Variants in PCDH15 observed in about 807,000 individuals in gnomAD.
The protein encoded by PCDH15 is protocadherin related 15.
PCDH15 carries 129 observed loss-of-function variants against 178.5 expected under a neutral mutation model. The observed-to-expected ratio is 0.72, with a 90% confidence interval of 0.63 to 0.84. The LOEUF (loss-of-function observed/expected upper bound fraction) is 0.84. PCDH15 is among the 40% of genes least tolerant of loss of function. The pLI, the probability that PCDH15 is intolerant of heterozygous loss-of-function variation, is 0.00. For synonymous variants in PCDH15, 800 were observed against 732.0 expected (o/e 1.09, Z -1.50); for missense variants, 2,230 against 2,099.9 (o/e 1.06, Z -1.21).
intron 2 of PCDH15, among the ~76,000 whole-genome samples, chr10:55,419,893 A>G (rs917969183): frequency 1.3e-5 from 2 of 151,774 alleles, no homozygotes; most frequent in Non-Finnish European, 2.9e-5. Flanking sequence ...AAATTAGGAG[A>G]TGAAACATGC....
intron 1 of PCDH15, among the ~76,000 whole-genome samples, chr10:54,769,222 A>G (rs1948825655): frequency 6.6e-6 from 1 of 152,088 alleles, no homozygotes; most frequent in Non-Finnish European, 1.5e-5. Flanking sequence ...AGACACAGCC[A>G]TAGATAAAGT....
intron 3 of PCDH15, among the ~76,000 whole-genome samples, chr10:54,447,862 AGAAAG>A (rs1271212513): frequency 6.6e-6 from 1 of 151,732 alleles, no homozygotes; most frequent in Non-Finnish European, 1.5e-5. Context: ...TGATTTGACA[AGAAAG>A]ACTGTGAAAA....
chr10:54,920,116 C>T (rs971883193), intron 2 of PCDH15, among the ~76,000 whole-genome samples: 1 of 152,078 alleles, frequency 6.6e-6, no homozygotes, highest in Non-Finnish European at 1.5e-5. Flanking sequence ...TTTTAATATT[C>T]TCTATGTTCG....
At chr10:55,298,015 T>A (rs1843177194) in intron 1 of PCDH15, among the ~76,000 whole-genome samples, 1 of 152,072 alleles carries the variant, frequency 6.6e-6, no homozygotes, top group African/African-American at 2.4e-5. Context: ...AATGAATGAA[T>A]TTGCTCCTGG....
At chr10:53,899,145 G>A (rs1020227781) in intron 26 of PCDH15, among the ~76,000 whole-genome samples, 1 of 149,460 alleles carries the variant, frequency 6.7e-6, no homozygotes, top group African/African-American at 2.5e-5. Flanking sequence ...TTTTTTTCGG[G>A]GGGGGGTGGT....
chr10:55,318,221 CGAGA>C (rs369092559), intron 1 of PCDH15, among the ~76,000 whole-genome samples: 1 of 150,920 alleles, frequency 6.6e-6, no homozygotes, highest in South Asian at 2.1e-4. Context: ...AAAAAACACA[CGAGA>C]GAGAGAGAGG....
At chr10:54,903,825 G>A (rs1954678347) in intron 2 of PCDH15, among the ~76,000 whole-genome samples, 1 of 152,030 alleles carries the variant, frequency 6.6e-6, no homozygotes, top group Non-Finnish European at 1.5e-5. Context: ...TGTTTCAATA[G>A]TTATTTAAAT....
At chr10:55,234,730 CA>C (rs1357680130) in intron 1 of PCDH15, among the ~76,000 whole-genome samples, 1 of 151,924 alleles carries the variant, frequency 6.6e-6, no homozygotes, top group East Asian at 1.9e-4. Context: ...TATTTTGAGA[CA>C]ATAAAATTCT....
At chr10:54,647,941 A>G (rs999470153) in intron 2 of PCDH15, among the ~76,000 whole-genome samples, 1 of 152,052 alleles carries the variant, frequency 6.6e-6, no homozygotes, top group Non-Finnish European at 1.5e-5. Flanking sequence ...AAACAAATAA[A>G]AAACACTTGG....
intron 2 of PCDH15, among the ~76,000 whole-genome samples, chr10:55,028,485 A>G (rs533207134): frequency 6.6e-6 from 1 of 152,112 alleles, no homozygotes; most frequent in South Asian, 2.1e-4. Flanking sequence ...TAACAAAGAC[A>G]AATTTTGAGA....
chr10:55,554,044 T>C (rs1257814299), intron 2 of PCDH15, among the ~76,000 whole-genome samples: 1 of 151,984 alleles, frequency 6.6e-6, no homozygotes, highest in Non-Finnish European at 1.5e-5. Context: ...CTCAGGAAAA[T>C]GTTTATGTCC....
intron 2 of PCDH15, among the ~76,000 whole-genome samples, chr10:55,046,781 A>C (rs1841016600): frequency 6.6e-6 from 1 of 151,972 alleles, no homozygotes. Context: ...GCAGTGCATA[A>C]ATTATGGCAT....
At chr10:55,172,831 T>C (rs1018504162) in intron 1 of PCDH15, among the ~76,000 whole-genome samples, 1 of 151,988 alleles carries the variant, frequency 6.6e-6, no homozygotes, top group Non-Finnish European at 1.5e-5. Context: ...CTATTACATA[T>C]GTATTTCTTT....
At chr10:54,059,652 A>G (rs995298961) in intron 18 of PCDH15, among the ~76,000 whole-genome samples, 1 of 152,166 alleles carries the variant, frequency 6.6e-6, no homozygotes, top group Non-Finnish European at 1.5e-5. Context: ...AGCAGTCTGC[A>G]TTTCTAAGGT....
intron 8 of PCDH15, among the ~76,000 whole-genome samples, chr10:54,296,088 G>T (rs1216242332): frequency 4.2e-5 from 6 of 142,504 alleles, no homozygotes; most frequent in African/African-American, 1.3e-4. Context: ...GAGCTTGCAG[G>T]GAGCCGAGAT....
intron 13 of PCDH15, among the ~76,000 whole-genome samples, chr10:54,177,696 AAAAC>A (rs1256893654): frequency 1.7e-4 from 26 of 152,166 alleles, no homozygotes; most frequent in African/African-American, 5.5e-4. Context: ...AAGCAGAGGG[AAAAC>A]AAACAAGACT....
intron 2 of PCDH15, among the ~76,000 whole-genome samples, chr10:55,513,400 C>A (rs1156806798): frequency 6.6e-6 from 1 of 151,958 alleles, no homozygotes; most frequent in East Asian, 1.9e-4. Flanking sequence ...ATTGATTATG[C>A]CTTTTTTGCT....
chr10:54,582,487 A>T (rs1156421528), intron 2 of PCDH15, among the ~76,000 whole-genome samples: 1 of 152,144 alleles, frequency 6.6e-6, no homozygotes, highest in Non-Finnish European at 1.5e-5. Context: ...TCATAATTAC[A>T]CATACTCTTT....
At chr10:55,425,441 T>C (rs1838729461) in intron 2 of PCDH15, among the ~76,000 whole-genome samples, 1 of 152,070 alleles carries the variant, frequency 6.6e-6, no homozygotes. Context: ...TTAGAGACTT[T>C]CTAAAATTAA....
Sources: gnomAD v4.1 joint callset for allele counts (sites outside exome capture counted in the v4.1 genomes callset) on GRCh38, gnomAD v4.1.1 for gene constraint, MANE v1.5 for transcripts, NCBI Gene and HGNC (gene_info 2026-07-23, HGNC 2026-07-21) for gene names.